BLNK: variants seen among roughly 807,000 people sequenced by gnomAD.
BLNK encodes B cell linker.
In BLNK, 29 loss-of-function variants were observed where a neutral mutation model predicts 73.5. That is an observed-to-expected ratio of 0.39 (90% CI 0.29 to 0.54). The LOEUF is 0.54. Among genes scored for constraint, BLNK ranks in the 20% least tolerant of loss-of-function variants. The pLI, the probability that BLNK is intolerant of heterozygous loss-of-function variation, is 0.61. For synonymous variants in BLNK, 176 were observed against 200.8 expected, an observed-to-expected ratio of 0.88 and a Z score of 1.04; for missense variants, 460 against 562.8, an observed-to-expected ratio of 0.82 and a Z score of 1.85.
chr10:96,202,127 ACAGT>A (rs2083659233), intron 13 of BLNK, among the ~76,000 whole-genome samples: 3 of 152,242 alleles, frequency 2.0e-5, no homozygotes, highest in Admixed American at 2.0e-4. Context: ...AGTAAGAGAT[ACAGT>A]CAGACAGGAG....
intron 3 of BLNK, among the ~76,000 whole-genome samples, chr10:96,237,520 C>A (rs1842737157): frequency 6.6e-6 from 1 of 152,124 alleles, no homozygotes; most frequent in Admixed American, 6.5e-5. Context: ...GGGCTCTGTT[C>A]AGTTCTGACT....
chr10:96,223,671 GA>G (rs2134020130), intron 6 of BLNK, among the ~76,000 whole-genome samples, 154 bp downstream of exon 6: 2 of 152,300 alleles, frequency 1.3e-5, no homozygotes, highest in Admixed American at 1.3e-4. Flanking sequence ...CCATTTTGGA[GA>G]AAACCAAGTC....
intron 16 of BLNK, 82 bp downstream of exon 16, chr10:96,196,826 A>G (rs1475253734): frequency 1.5e-5 from 20 of 1,370,250 alleles, no homozygotes; most frequent in Non-Finnish European, 2.1e-5. Context: ...CTTTCTCCTC[A>G]TCTCTAGCAT....
intron 16 of BLNK, among the ~76,000 whole-genome samples, chr10:96,194,165 T>C (rs1472396904): frequency 6.6e-6 from 1 of 152,130 alleles, no homozygotes; most frequent in African/African-American, 2.4e-5. Flanking sequence ...GAGTTCAAAA[T>C]TTGTGAGAGA....
chr10:96,218,317 A>T (rs1339310165), intron 6 of BLNK, among the ~76,000 whole-genome samples: 1 of 152,222 alleles, frequency 6.6e-6, no homozygotes, highest in Non-Finnish European at 1.5e-5. Flanking sequence ...TAAGAGAGAT[A>T]TCACCATTGG....
intron 5 of BLNK, 25 bp from the exon 6 acceptor site, chr10:96,224,014 T>C (rs782708741): frequency 4.2e-5 from 67 of 1,611,894 alleles, no homozygotes; most frequent in Non-Finnish European, 5.4e-5. Context: ...ACAAAAAACA[T>C]AACATAAAAG....
At chr10:96,266,272 G>C (rs1288991650) in intron 1 of BLNK, among the ~76,000 whole-genome samples, 1 of 152,202 alleles carries the variant, frequency 6.6e-6, no homozygotes, top group Non-Finnish European at 1.5e-5. Context: ...TAATCTAGGA[G>C]GCAGGGCTGG....
Position 96,271,491 on chromosome 10 carries a change from G to T in BLNK, c.-93C>A. The T allele has an allele frequency of 7.5e-7, 1 of 1,334,120 alleles. No homozygotes were observed. The highest frequency in any genetic ancestry group is 1.1e-6 in the Non-Finnish European group (1 of 926,640). 82.6% of individuals were successfully genotyped at this position (1,334,120 alleles called of 1,614,324 possible). On this transcript the variant is annotated 5_prime_UTR_variant, in exon 1 of 17. Transcript: ENST00000224337. ...TAGGGAGCAGCATGGTAAGCCTCTG[G>T]TCTCAAGGGTTCCGGCCACTCAAGT...
chr10:96,224,788 C>T (rs2084280754), intron 5 of BLNK, among the ~76,000 whole-genome samples: 1 of 152,212 alleles, frequency 6.6e-6, no homozygotes, highest in African/African-American at 2.4e-5. Context: ...ACCTCCGCCT[C>T]CCAGGTTCAA....
chr10:96,263,770 G>A (rs1004391321), intron 1 of BLNK, among the ~76,000 whole-genome samples: 5 of 152,184 alleles, frequency 3.3e-5, no homozygotes, highest in Admixed American at 6.5e-5. Flanking sequence ...AGACAAATAC[G>A]CCAGTAATGA....
chr10:96,239,153 G>A (rs1423614825), intron 3 of BLNK: 1 of 398,566 alleles, frequency 2.5e-6, no homozygotes, highest in Non-Finnish European at 4.4e-6. Context: ...TTCCAGGAAA[G>A]GGAGCAGGTG....
At chr10:96,257,096 G>T (rs1316626704) in intron 1 of BLNK, among the ~76,000 whole-genome samples, 1 of 152,236 alleles carries the variant, frequency 6.6e-6, no homozygotes, top group Non-Finnish European at 1.5e-5. Flanking sequence ...AAGTGCAAAG[G>T]CTCAGAGGTG....
chr10:96,261,296 G>A (rs915772517), intron 1 of BLNK, among the ~76,000 whole-genome samples: 1 of 152,076 alleles, frequency 6.6e-6, no homozygotes, highest in Non-Finnish European at 1.5e-5. Context: ...ATTTCAAATT[G>A]TACAACTCAG....
At chr10:96,218,223 G>A (rs1170243646) in intron 6 of BLNK, among the ~76,000 whole-genome samples, 1 of 152,152 alleles carries the variant, frequency 6.6e-6, no homozygotes, top group African/African-American at 2.4e-5. Flanking sequence ...GGTACTAGGA[G>A]AAACAAAAAC....
chr10:96,193,506 G>A (rs2083380182), intron 16 of BLNK, among the ~76,000 whole-genome samples: 1 of 152,168 alleles, frequency 6.6e-6, no homozygotes, highest in African/African-American at 2.4e-5. Context: ...GTGTGCAGTA[G>A]GGAGTTGAGC....
At chr10:96,194,992 A>G (rs1420756082) in intron 16 of BLNK, among the ~76,000 whole-genome samples, 2 of 151,670 alleles carry the variant, frequency 1.3e-5, no homozygotes, top group African/African-American at 2.4e-5. Context: ...GATGGTCTCG[A>G]TCTCCTGACC....
chr10:96,202,033 G>A (rs7099132), intron 13 of BLNK, among the ~76,000 whole-genome samples: 14,067 of 152,130 alleles, frequency 0.092, 728 homozygotes, highest in South Asian at 0.14. Flanking sequence ...CCGGGTAGAG[G>A]GAGCTGTGAA....
intron 1 of BLNK, 57 bp downstream of exon 1, chr10:96,271,295 G>A (rs1844258708): frequency 4.5e-6 from 7 of 1,568,782 alleles, no homozygotes; most frequent in Admixed American, 1.7e-5. Flanking sequence ...GATGCCATAA[G>A]AGCACTGGGG....
chr10:96,247,275 C>T (rs1042933317), intron 1 of BLNK, among the ~76,000 whole-genome samples: 2 of 152,144 alleles, frequency 1.3e-5, no homozygotes, highest in Non-Finnish European at 2.9e-5. Flanking sequence ...TGTCCCCTTC[C>T]GTTGGGATGT....
Sources: allele counts gnomAD v4.1 joint callset (sites outside exome capture counted in the v4.1 genomes callset), GRCh38; gene constraint gnomAD v4.1.1; transcripts MANE v1.5; gene names NCBI Gene and HGNC (gene_info 2026-07-23, HGNC 2026-07-21).